Variants in SIL1 observed in about 807,000 individuals in gnomAD.
SIL1 encodes nucleotide exchange factor SIL1.
SIL1 carries 40 observed loss-of-function variants against 49.1 expected under a neutral mutation model. That is an observed-to-expected ratio of 0.81 (90% CI 0.63 to 1.06). The LOEUF (loss-of-function observed/expected upper bound fraction) is 1.06. Among genes scored for constraint, SIL1 ranks in the 50% least tolerant of loss-of-function variants. The pLI is 0.00. For synonymous variants in SIL1, 253 were observed against 250.8 expected (o/e 1.01, Z -0.08); for missense variants, 500 against 572.6 (o/e 0.87, Z 1.29).
At chr5:139,097,210 C>T (rs746171870) in intron 3 of SIL1, among the ~76,000 whole-genome samples, 2 of 151,992 alleles carry the variant, frequency 1.3e-5, no homozygotes, top group Non-Finnish European at 2.9e-5. Context: ...TAGTCCCTGA[C>T]TCCCAGGCGG....
chr5:138,984,934 CA>C (rs1767621021), intron 7 of SIL1, among the ~76,000 whole-genome samples: 1 of 152,274 alleles, frequency 6.6e-6, no homozygotes, highest in Admixed American at 6.5e-5. Flanking sequence ...GGGACACCAG[CA>C]AAATAGGCAA....
At chr5:139,166,452 A>C (rs1213426960) in intron 1 of SIL1, among the ~76,000 whole-genome samples, 1 of 152,234 alleles carries the variant, frequency 6.6e-6, no homozygotes, top group African/African-American at 2.4e-5. Context: ...CCTTGAGGCC[A>C]CAAGTTCAAG....
intron 3 of SIL1, among the ~76,000 whole-genome samples, chr5:139,076,703 C>A (rs1184616066): frequency 6.6e-6 from 1 of 152,164 alleles, no homozygotes; most frequent in Non-Finnish European, 1.5e-5. Flanking sequence ...AAATTTATAG[C>A]CACTTCATTA....
intron 3 of SIL1, among the ~76,000 whole-genome samples, chr5:139,079,533 T>C (rs565390739): frequency 6.6e-6 from 1 of 152,278 alleles, no homozygotes; most frequent in South Asian, 2.1e-4. Context: ...AAATAATGGA[T>C]AAAAACAAGT....
intron 6 of SIL1, 140 bp from the exon 7 acceptor site, chr5:139,021,432 G>A: frequency 2.9e-6 from 4 of 1,373,150 alleles, no homozygotes; most frequent in Middle Eastern, 2.1e-4. Context: ...ACTAAGAAAA[G>A]GTTTGTAAAA....
chr5:139,144,339 CA>C (rs530993078), intron 1 of SIL1, among the ~76,000 whole-genome samples: 294 of 151,886 alleles, frequency 1.9e-3, no homozygotes, highest in African/African-American at 6.9e-3. Flanking sequence ...AAAACAAAAA[CA>C]AAAAACAGCA....
rs375923955 is a variant in SIL1 at position 139,174,880 on chromosome 5, G to C, written c.-11+23389C>G. ...TTGAACATGGGAAGCAGAGGTTGCA[G>C]TGAAGCGACATCATGTCACTGCACT... On this transcript the variant is annotated intron_variant, in intron 1 of 9. Coordinates refer to ENST00000394817, the MANE Select transcript of SIL1 (RefSeq NM_022464.5). 2.4e-4 allele frequency among the ~76,000 whole-genome samples: 34 copies of C among 139,492 alleles called. No individual in the cohort carries two copies. In the East Asian group the frequency reaches 2.6e-3, roughly 11 times the overall value. 91.5% of individuals were successfully genotyped at this position (139,492 alleles called of 152,430 possible).
chr5:138,951,939 G>T, intron 7 of SIL1, 55 bp from the exon 8 acceptor site: 1 of 1,501,988 alleles, frequency 6.7e-7, no homozygotes, highest in Non-Finnish European at 9.2e-7. Flanking sequence ...GGGATCGGAT[G>T]GTCAGGGAAC....
intron 3 of SIL1, among the ~76,000 whole-genome samples, chr5:139,113,434 C>G (rs1048437742): frequency 6.6e-6 from 1 of 151,638 alleles, no homozygotes; most frequent in Non-Finnish European, 1.5e-5. Flanking sequence ...GTGGATGCTG[C>G]CCACCCCCAC....
chr5:138,983,917 C>T (rs1255605628), intron 7 of SIL1, among the ~76,000 whole-genome samples: 2 of 152,316 alleles, frequency 1.3e-5, no homozygotes, highest in Admixed American at 6.5e-5. Flanking sequence ...CAGCTCTGGG[C>T]ATCAGGCAGA....
chr5:139,065,510 C>T (rs1347435057), intron 3 of SIL1, among the ~76,000 whole-genome samples: 1 of 152,224 alleles, frequency 6.6e-6, no homozygotes, highest in Non-Finnish European at 1.5e-5. Context: ...ATAAAAGCAG[C>T]TACCCTGCTC....
chr5:139,051,053 G>T lies in SIL1; in HGVS notation c.245-7C>A. On this transcript the variant is annotated splice_region_variant and splice_polypyrimidine_tract_variant and intron_variant, in intron 3 of 9. Coordinates refer to ENST00000394817, the MANE Select transcript of SIL1 (RefSeq NM_022464.5). ...CCTGCAGGGACAGCCTGCCCTAAAA[G>T]CCAAGAAGAGAAAAGGCTCATGAGG... is the stretch of plus-strand genomic sequence containing the variant. 1 of 1,613,806 alleles carries T rather than the reference G, an allele frequency of 6.2e-7. No individual in the cohort carries two copies. Among genetic ancestry groups the T allele is most frequent in the Non-Finnish European group, 8.5e-7 (1 of 1,179,748 alleles).
rs761303903 is a variant in SIL1, at chr5:139,042,469, TTTC to T, written c.453+148_453+150del. 673 of 753,678 alleles carry T rather than the reference TTTC, an allele frequency of 8.9e-4. 2 individuals carry two copies. Among genetic ancestry groups the T allele is most frequent in the Non-Finnish European group, 1.0e-3 (439 of 439,862 alleles). 46.7% of individuals were successfully genotyped at this position (753,678 alleles called of 1,614,324 possible). On this transcript the variant is annotated intron_variant, in intron 5 of 9. Transcript: ENST00000394817. Reference sequence around the variant, plus strand: ...CTTTTTTTTTAATAGTCTAAAAGGGTTTCTTATTTGTCATTAATGTTCTTTAAA... The same window carrying T: ...CTTTTTTTTTAATAGTCTAAAAGGGTTTATTTGTCATTAATGTTCTTTAAA...
At chr5:139,128,266 C>T (rs551070318) in intron 1 of SIL1, among the ~76,000 whole-genome samples, 2 of 152,296 alleles carry the variant, frequency 1.3e-5, no homozygotes, top group South Asian at 2.1e-4. Context: ...CACCCATTAT[C>T]CTACCTGAAG....
At chr5:139,004,717 T>C (rs968659376) in intron 7 of SIL1, among the ~76,000 whole-genome samples, 3 of 152,094 alleles carry the variant, frequency 2.0e-5, no homozygotes, top group Non-Finnish European at 4.4e-5. Flanking sequence ...TGTCCATTAA[T>C]GAATGAATGG....
intron 1 of SIL1, among the ~76,000 whole-genome samples, chr5:139,142,929 T>A (rs368972824): frequency 6.6e-5 from 10 of 152,054 alleles, no homozygotes; most frequent in African/African-American, 1.9e-4. Flanking sequence ...CCACCACGCC[T>A]GGCTAATTTT....
chr5:139,177,277 T>C (rs1019607697), intron 1 of SIL1, among the ~76,000 whole-genome samples: 5 of 151,398 alleles, frequency 3.3e-5, no homozygotes, highest in African/African-American at 9.7e-5. Flanking sequence ...ACTGGCTCTG[T>C]CACCCAGGCT....
intron 3 of SIL1, among the ~76,000 whole-genome samples, chr5:139,065,933 C>T (rs1340444701): frequency 1.3e-5 from 2 of 152,232 alleles, no homozygotes; most frequent in African/African-American, 4.8e-5. Flanking sequence ...CCCAACAAGT[C>T]ATCTCTCTGA....
intron 3 of SIL1, among the ~76,000 whole-genome samples, chr5:139,096,961 C>T (rs114407101): frequency 7.5e-4 from 114 of 152,138 alleles, no homozygotes; most frequent in African/African-American, 2.5e-3. Context: ...GAGCCCACTG[C>T]GCTGAAGGGT....
Sources: allele counts gnomAD v4.1 joint callset (sites outside exome capture counted in the v4.1 genomes callset), GRCh38; gene constraint gnomAD v4.1.1; transcripts MANE v1.5; gene names NCBI Gene and HGNC (gene_info 2026-07-23, HGNC 2026-07-21).